The following ZNF232 variants were observed in gnomAD, a reference collection of about 807,000 sequenced individuals.
ZNF232 encodes the protein zinc finger protein 232.
In ZNF232, 25 loss-of-function variants were observed where a neutral mutation model predicts 25.2. The observed-to-expected ratio is 0.99, with a 90% CI of 0.72 to 1.39. The LOEUF (loss-of-function observed/expected upper bound fraction) is 1.39, where lower values mean the gene tolerates loss of function less well. ZNF232 is among the 40% of genes most tolerant of loss of function. ZNF232 has a pLI of 0.00. For synonymous variants in ZNF232, 193 were observed against 182.9 expected (o/e 1.06, Z -0.45); for missense variants, 519 against 520.9 (o/e 1.00, Z 0.04).
exon 2 of ZNF232, chr17:5,109,515 T>C (rs1168223565): frequency 2.5e-6 from 4 of 1,614,206 alleles, no homozygotes; most frequent in Non-Finnish European, 2.5e-6. Context: ...GGTCAAGAAT[T>C]GTTCCAGCAC....
upstream of ZNF232, chr17:5,111,893 C>T: frequency 1.9e-6 from 3 of 1,596,714 alleles, no homozygotes; most frequent in Non-Finnish European, 2.6e-6. Context: ...GCGCAGGTCG[C>T]AGCCTCGGCC....
exon 4 of ZNF232, chr17:5,106,346 G>A: frequency 5.0e-6 from 8 of 1,614,194 alleles, no homozygotes; most frequent in Non-Finnish European, 5.1e-6. Flanking sequence ...TCTCCGCTTT[G>A]GGATTTCTCT....
chr17:5,107,430 C>T (rs1021596634), intron 3 of ZNF232, among the ~76,000 whole-genome samples: 1 of 142,872 alleles, frequency 7.0e-6, no homozygotes, highest in Non-Finnish European at 1.5e-5. Flanking sequence ...GAGTGTGTTG[C>T]CTTTTTGTTT....
chr17:5,110,231 C>T (rs1257482964), intron 1 of ZNF232, among the ~76,000 whole-genome samples: 3 of 152,100 alleles, frequency 2.0e-5, no homozygotes, highest in Non-Finnish European at 4.4e-5. Context: ...TACATATACT[C>T]AACACTCCAA....
At chr17:5,108,895 C>T (rs2072325562) in intron 3 of ZNF232, 31 bp downstream of exon 3, 2 of 1,613,442 alleles carry the variant, frequency 1.2e-6, no homozygotes, top group Non-Finnish European at 1.7e-6. Flanking sequence ...CCTCTTTCTC[C>T]TCTCCCTCCC....
intron 3 of ZNF232, 26 bp from the exon 4 acceptor site, chr17:5,106,559 A>G (rs768143646): frequency 3.3e-6 from 5 of 1,536,490 alleles, no homozygotes; most frequent in Non-Finnish European, 3.5e-6. Context: ...AATGACACTT[A>G]GATTAAAATG....
chr17:5,108,793 A>AT, intron 3 of ZNF232, 133 bp downstream of exon 3: 1 of 1,400,984 alleles, frequency 7.1e-7, no homozygotes, highest in South Asian at 1.3e-5. Flanking sequence ...CACCTAAGAG[A>AT]TAAGAATAGT....
intron 3 of ZNF232, 48 bp downstream of exon 3, chr17:5,108,878 T>A: frequency 6.2e-7 from 1 of 1,612,774 alleles, no homozygotes; most frequent in Non-Finnish European, 8.5e-7. Flanking sequence ...CTGTGCCCTT[T>A]ATAGTCCCTC....
intron 1 of ZNF232, chr17:5,122,885 A>G (rs1343445723): frequency 6.6e-6 from 1 of 152,258 alleles, no homozygotes; most frequent in African/African-American, 2.4e-5. Context: ...GAACGCGACG[A>G]CGCGAGGGGG....
chr17:5,112,143 TG>T (rs147867476), upstream of ZNF232: 9,389 of 467,390 alleles, frequency 0.02, 791 homozygotes, highest in African/African-American at 0.17. Flanking sequence ...TCATCAAGTT[TG>T]GGGGGTCTCT....
chr17:5,119,810 G>A (rs978804147), intron 1 of ZNF232, among the ~76,000 whole-genome samples: 11 of 152,190 alleles, frequency 7.2e-5, no homozygotes, highest in Non-Finnish European at 4.4e-5. Flanking sequence ...ATAAACAGCT[G>A]GGAGAAAGAT....
chr17:5,115,786 G>C (rs928376570), upstream of ZNF232, among the ~76,000 whole-genome samples: 9 of 152,154 alleles, frequency 5.9e-5, no homozygotes, highest in African/African-American at 1.9e-4. Flanking sequence ...TCCTGCACTC[G>C]TGCCTCACAG....
At chr17:5,109,806 G>T (rs765644608) in exon 2 of ZNF232, 1 of 1,614,004 alleles carries the variant, frequency 6.2e-7, no homozygotes, top group Non-Finnish European at 8.5e-7. Context: ...TAGTGATACA[G>T]CCATCCTAGT....
At chr17:5,120,079 C>T (rs779056821) in intron 1 of ZNF232, among the ~76,000 whole-genome samples, 10 of 152,172 alleles carry the variant, frequency 6.6e-5, no homozygotes, top group Non-Finnish European at 1.2e-4. Flanking sequence ...CCTTCTCAGC[C>T]GAGTTCTGTG....
intron 1 of ZNF232, among the ~76,000 whole-genome samples, chr17:5,119,563 A>T (rs2072606120): frequency 6.6e-6 from 1 of 152,140 alleles, no homozygotes; most frequent in South Asian, 2.1e-4. Context: ...CCCATCTTTT[A>T]TGGATGCCTA....
chr17:5,113,705 T>G (rs945973436), upstream of ZNF232: 5 of 152,360 alleles, frequency 3.3e-5, no homozygotes, highest in Admixed American at 3.3e-4. Flanking sequence ...TGGATTAGAT[T>G]CTGTCCCAGA....
intron 1 of ZNF232, chr17:5,111,545 C>G: frequency 1.8e-6 from 1 of 563,530 alleles, no homozygotes; most frequent in South Asian, 2.4e-5. Context: ...GGTACAACTC[C>G]CCTTCCCACC....
At chr17:5,109,650 C>T (rs768813214) in exon 2 of ZNF232, 20 of 1,614,068 alleles carry the variant, frequency 1.2e-5, no homozygotes, top group African/African-American at 2.7e-5. Flanking sequence ...ATGCCTGAAG[C>T]GTTGGCGGAA....
chr17:5,111,901 G>A, upstream of ZNF232: 1 of 1,585,042 alleles, frequency 6.3e-7, no homozygotes, highest in South Asian at 1.1e-5. Flanking sequence ...CGCAGCCTCG[G>A]CCTCCAACTC....
Sources: gnomAD v4.1 joint callset for allele counts (sites outside exome capture counted in the v4.1 genomes callset) on GRCh38, gnomAD v4.1.1 for gene constraint, MANE v1.5 for transcripts, NCBI Gene and HGNC (gene_info 2026-07-23, HGNC 2026-07-21) for gene names.